The following MAP9 variants were observed in gnomAD, a reference collection of about 807,000 sequenced individuals.
MAP9 encodes microtubule-associated protein 9.
In MAP9, 80 loss-of-function variants were observed where a neutral mutation model predicts 75.2. The ratio of observed to expected loss-of-function variants is 1.06; its 90% CI spans 0.89 to 1.28. The LOEUF is 1.28. Among genes scored for constraint, MAP9 ranks in the 50% most tolerant of loss-of-function variants. MAP9 has a pLI of 0.00. For synonymous variants in MAP9, 235 were observed against 237.3 expected, an observed-to-expected ratio of 0.99 and a Z score of 0.09; for missense variants, 753 against 719.9, an observed-to-expected ratio of 1.05 and a Z score of -0.53.
chr4:155,371,461 A>T (rs1391252354), intron 4 of MAP9, among the ~76,000 whole-genome samples: 1 of 152,034 alleles, frequency 6.6e-6, no homozygotes, highest in East Asian at 1.9e-4. Context: ...CCTGAGAATG[A>T]CAACTTTAAT....
chr4:155,376,243 A>AT (rs1384303675), intron 1 of MAP9: 2 of 156,646 alleles, frequency 1.3e-5, no homozygotes, highest in African/African-American at 4.8e-5. Context: ...TGCCTTCAAA[A>AT]TAAGTCACGT....
chr4:155,363,145 A>G (rs952678285), intron 5 of MAP9: 2 of 152,176 alleles, frequency 1.3e-5, no homozygotes, highest in East Asian at 1.9e-4. Context: ...TACCACCTCT[A>G]TTTGTGGCAT....
In MAP9 at chr4:155,352,899, G is replaced by A. The variant is rs747681658; in HGVS notation, c.1688+13C>T. On this transcript the variant is annotated intron_variant, in intron 12 of 13. Transcript: ENST00000311277. ...ATTTAAAATATATCAAAATATTTAT[G>A]ATTTTGGATTACCATTTCTCAACAG... 3.6e-5 allele frequency: 53 copies of A among 1,490,302 alleles called. No individual in the cohort carries two copies. Among genetic ancestry groups the A allele is most frequent in the Non-Finnish European group, 4.7e-5 (52 of 1,109,120 alleles). The allele number at this position is 1,490,302 out of a possible 1,614,324, so 92.3% of individuals were successfully genotyped here. A position where few individuals can be genotyped will look rare whatever the true frequency, so the allele number is the denominator to read the frequency against.
chr4:155,349,655 G>C (rs1731424047), intron 13 of MAP9: 1 of 152,158 alleles, frequency 6.6e-6, no homozygotes, highest in Non-Finnish European at 1.5e-5. Flanking sequence ...TTTCTAATAA[G>C]GCAAAGAGGA....
chr4:155,373,301 G>T lies in MAP9; in HGVS notation c.316C>A (p.Pro106Thr), dbSNP rs1486793602. 6.2e-7 allele frequency: 1 copy of T among 1,613,740 alleles called. No homozygotes were observed. Among genetic ancestry groups the T allele is most frequent in the Non-Finnish European group, 8.5e-7 (1 of 1,179,890 alleles). Residue 106 changes from proline to threonine, a missense_variant, in exon 4 of 14, where the codon CCA (proline) becomes ACA (threonine). Pro to Thr is a conservative substitution (Grantham distance 38). Transcript: ENST00000311277. ...KSNGNITKDE[P>T]VCAIKNEEEM... Reference sequence around the variant, plus strand: ...TCTTCATTTTTGATGGCACACACTGGCTCATCTTTGGTTATGTTACCGTTT... The same window carrying T: ...TCTTCATTTTTGATGGCACACACTGTCTCATCTTTGGTTATGTTACCGTTT...
rs1488558805 is a variant in MAP9 at position 155,347,641 on chromosome 4, A to G, written c.*142T>C. The G allele has an allele frequency of 1.6e-5, 13 of 802,246 alleles. No individual in the cohort carries two copies. Among genetic ancestry groups the G allele is most frequent in the Admixed American group, 1.5e-4 (4 of 27,492 alleles). The allele number at this position is 802,246 out of a possible 1,614,324, so 49.7% of individuals were successfully genotyped here. On this transcript the variant is annotated 3_prime_UTR_variant, in exon 14 of 14. Transcript: ENST00000311277. ...AAATGCTTTCACTGATTACATTCCA[A>G]AGTATTTCTTTCATTGTCAGCAGGA...
In MAP9 at chr4:155,376,946, G is replaced by A. The variant is rs543038352; in HGVS notation, c.-240C>T. ...CGCTCTTCGGCCCAACGTGTCGCTG[G>A]GGCAACCACCCAGACGAAGGAAGTG... On this transcript the variant is annotated 5_prime_UTR_variant, in exon 1 of 14. Transcript: ENST00000311277. 2.0e-5 allele frequency: 3 copies of A among 152,602 alleles called. No individual in the cohort carries two copies. The highest frequency in any genetic ancestry group is 7.2e-5 in the African/African-American group (3 of 41,494). The allele number at this position is 152,602 out of a possible 1,614,324, so 9.5% of individuals were successfully genotyped here.
At chr4:155,354,553 TC>T (rs1349859883) in intron 10 of MAP9, among the ~76,000 whole-genome samples, 4 of 142,802 alleles carry the variant, frequency 2.8e-5, no homozygotes, top group Non-Finnish European at 6.0e-5. Flanking sequence ...AACCTCCGCC[TC>T]CCGGGTTCAA....
At chr4:155,349,781 A>C (rs1731433998) in intron 13 of MAP9, 1 of 152,838 alleles carries the variant, frequency 6.5e-6, no homozygotes, top group Non-Finnish European at 1.5e-5. Context: ...CAGTGACCAG[A>C]CTGTGTCCAC....
At chr4:155,362,281 G>A (rs1732124682) in intron 5 of MAP9, 140 bp from the exon 6 acceptor site, 5 of 561,482 alleles carry the variant, frequency 8.9e-6, no homozygotes, top group East Asian at 3.3e-5. Context: ...TTGCTGAAAC[G>A]CAAAGTGTGA....
At chr4:155,365,590 T>C (rs563149626) in intron 5 of MAP9, among the ~76,000 whole-genome samples, 2 of 152,212 alleles carry the variant, frequency 1.3e-5, no homozygotes, top group African/African-American at 4.8e-5. Flanking sequence ...TTTCACAAGA[T>C]ACACTAAAGC....
chr4:155,347,093 A>G lies in MAP9; in HGVS notation c.*690T>C, dbSNP rs1731312968. On this transcript the variant is annotated 3_prime_UTR_variant, in exon 14 of 14. Coordinates refer to ENST00000311277, the MANE Select transcript of MAP9 (RefSeq NM_001039580.2). ...TGATGTCTTTTGGTATCACTGAAATAATAAAGTGAGATAGAATTCAGAAAG... is the reference window on the plus strand; with the variant it reads ...TGATGTCTTTTGGTATCACTGAAATGATAAAGTGAGATAGAATTCAGAAAG... The G allele has an allele frequency of 6.6e-6, 1 of 152,228 alleles. No homozygotes were observed. Among genetic ancestry groups the G allele is most frequent in the African/African-American group, 2.4e-5 (1 of 41,466 alleles). The allele number at this position is 152,228 out of a possible 1,614,324, so 9.4% of individuals were successfully genotyped here.
At chr4:155,352,815 G>T in intron 12 of MAP9, 87 bp from the exon 13 acceptor site, 1 of 1,406,508 alleles carries the variant, frequency 7.1e-7, no homozygotes, top group South Asian at 1.4e-5. Flanking sequence ...TAATGAAATT[G>T]AAATGCATTA....
rs561214983 is a variant in MAP9, at chr4:155,357,484, C to T, written c.1086G>A (p.Lys362=). 7.1e-5 allele frequency: 111 copies of T among 1,555,642 alleles called. 1 individual carries two copies. The South Asian group carries it at 1.2e-3, about 16-fold the overall frequency. ...CACTGGATGCTCTATTATTTGTTGA[C>T]TTTTTATTCTTTATATTTCTATCTT... ...TIEDRNIKNK[K]STNNRASSAS... is the part of the protein sequence containing the mutation. Residue 362 remains lysine (K), a synonymous_variant, in exon 8 of 14, where the codon AAG becomes AAA. Transcript: ENST00000311277.
At chr4:155,360,714 A>C (rs1436965316) in intron 6 of MAP9, among the ~76,000 whole-genome samples, 1 of 152,034 alleles carries the variant, frequency 6.6e-6, no homozygotes, top group Non-Finnish European at 1.5e-5. Context: ...GAGCTTGTTG[A>C]TATACAAACC....
intron 8 of MAP9, chr4:155,357,041 T>C (rs1453985573): frequency 2.8e-5 from 5 of 180,466 alleles, no homozygotes; most frequent in African/African-American, 1.2e-4. Context: ...TGAATAAGTA[T>C]CATTGCTAGA....
At chr4:155,372,030 T>C (rs1277057176) in intron 4 of MAP9, among the ~76,000 whole-genome samples, 1 of 152,192 alleles carries the variant, frequency 6.6e-6, no homozygotes, top group African/African-American at 2.4e-5. Context: ...AAGAGGGTTA[T>C]TTTTAGCTTC....
chr4:155,375,955 ATTTAT>A (rs1218964913), intron 1 of MAP9, 41 bp from the exon 2 acceptor site: 8 of 710,986 alleles, frequency 1.1e-5, no homozygotes, highest in African/African-American at 5.4e-5. Context: ...ATGCTTCAGA[ATTTAT>A]TTTATTACAT....
chr4:155,376,508 G>A (rs1015710866), intron 1 of MAP9: 5 of 152,352 alleles, frequency 3.3e-5, no homozygotes, highest in African/African-American at 1.2e-4. Flanking sequence ...TCGGAGCAGA[G>A]GCCTGGCAGG....
Sources: gnomAD v4.1 joint callset for allele counts (sites outside exome capture counted in the v4.1 genomes callset) on GRCh38, gnomAD v4.1.1 for gene constraint, MANE v1.5 for transcripts, NCBI Gene and HGNC (gene_info 2026-07-23, HGNC 2026-07-21) for gene names.